DOCK9: variants seen among roughly 807,000 people sequenced by gnomAD.
DOCK9 encodes dedicator of cytokinesis protein 9.
DOCK9 carries 89 observed loss-of-function variants against 263.3 expected under a neutral mutation model. That is an observed-to-expected ratio of 0.34 (90% CI 0.28 to 0.40). The LOEUF (loss-of-function observed/expected upper bound fraction) is 0.40, where lower values mean the gene tolerates loss of function less well. DOCK9 is among the 10% of genes least tolerant of loss of function. The probability of loss-of-function intolerance (pLI) is 1.00; values close to 1 mark genes in which losing one functional copy is unlikely to be tolerated. For synonymous variants in DOCK9, 976 were observed against 973.1 expected, an observed-to-expected ratio of 1.00 and a Z score of -0.06; for missense variants, 2,140 against 2,603.4, an observed-to-expected ratio of 0.82 and a Z score of 3.87.
At chr13:98,938,684 C>T (rs2055305947) in intron 2 of DOCK9, among the ~76,000 whole-genome samples, 1 of 147,742 alleles carries the variant, frequency 6.8e-6, no homozygotes, top group Non-Finnish European at 1.5e-5. Context: ...TATTATTTTT[C>T]TAACCCTCTC....
intron 35 of DOCK9, among the ~76,000 whole-genome samples, chr13:98,852,712 T>C (rs1363903278): frequency 6.6e-6 from 1 of 152,194 alleles, no homozygotes; most frequent in Non-Finnish European, 1.5e-5. Context: ...AACTGCGACA[T>C]TGTTTACTGG....
intron 1 of DOCK9, among the ~76,000 whole-genome samples, chr13:99,082,113 G>A (rs1026577775): frequency 3.9e-5 from 6 of 152,168 alleles, no homozygotes; most frequent in Non-Finnish European, 8.8e-5. Context: ...CAGCTACTCT[G>A]GAGGCTGAGG....
At chr13:99,036,343 G>A (rs529106582) in intron 1 of DOCK9, among the ~76,000 whole-genome samples, 79 of 152,174 alleles carry the variant, frequency 5.2e-4, no homozygotes, top group African/African-American at 1.9e-3. Flanking sequence ...TAGGTTTAGT[G>A]CTCGTATAAA....
intron 38 of DOCK9, among the ~76,000 whole-genome samples, chr13:98,845,164 T>C (rs759131659): frequency 5.9e-5 from 9 of 152,234 alleles, no homozygotes; most frequent in Non-Finnish European, 8.8e-5. Context: ...TTGTCCCCTC[T>C]GCTGACTGAT....
intron 39 of DOCK9, among the ~76,000 whole-genome samples, chr13:98,835,577 GC>G (rs1477541613): frequency 6.6e-6 from 1 of 152,092 alleles, no homozygotes; most frequent in Non-Finnish European, 1.5e-5. Flanking sequence ...CAGGGATCAG[GC>G]CCTTTGCCAC....
At chr13:98,890,292 A>G (rs1441424858) in intron 15 of DOCK9, among the ~76,000 whole-genome samples, 1 of 151,642 alleles carries the variant, frequency 6.6e-6, no homozygotes, top group African/African-American at 2.4e-5. Context: ...CCAGACTGAC[A>G]CTAGCTCATT....
intron 38 of DOCK9, among the ~76,000 whole-genome samples, chr13:98,844,363 T>C (rs1405704979): frequency 8.7e-6 from 1 of 114,642 alleles, no homozygotes; most frequent in African/African-American, 3.4e-5. Flanking sequence ...ACATTTTTTA[T>C]TTTTTTTATT....
chr13:98,922,240 G>A, intron 5 of DOCK9, 94 bp from the exon 6 acceptor site: 1 of 885,594 alleles, frequency 1.1e-6, no homozygotes, highest in Non-Finnish European at 1.8e-6. Flanking sequence ...TTCCCTTTGT[G>A]CCAAGTTGTC....
chr13:98,931,427 C>T (rs1377917137), intron 2 of DOCK9, among the ~76,000 whole-genome samples: 2 of 151,456 alleles, frequency 1.3e-5, no homozygotes, highest in Admixed American at 1.3e-4. Context: ...GCCTCCCGAG[C>T]AGCTGGGACT....
At chr13:98,995,961 C>G (rs1387079877) in intron 1 of DOCK9, among the ~76,000 whole-genome samples, 2 of 152,072 alleles carry the variant, frequency 1.3e-5, no homozygotes, top group African/African-American at 4.8e-5. Flanking sequence ...CAGGGGAGAA[C>G]AGCACACGAT....
chr13:98,864,034 G>A (rs984103756), intron 30 of DOCK9, among the ~76,000 whole-genome samples: 15 of 151,968 alleles, frequency 9.9e-5, no homozygotes, highest in Non-Finnish European at 1.5e-4. Flanking sequence ...TCCTTTCCTG[G>A]TCATTAATGT....
At chr13:98,875,040 T>C (rs141582032) in intron 27 of DOCK9, among the ~76,000 whole-genome samples, 3 of 152,200 alleles carry the variant, frequency 2.0e-5, no homozygotes, top group Admixed American at 2.0e-4. Context: ...GATTGTGGTA[T>C]CCTGCAAGGC....
intron 9 of DOCK9, among the ~76,000 whole-genome samples, chr13:98,910,583 C>G (rs1018262303): frequency 1.3e-5 from 2 of 152,140 alleles, no homozygotes; most frequent in Non-Finnish European, 2.9e-5. Flanking sequence ...AACTTCCTGT[C>G]GGTCATATCC....
intron 1 of DOCK9, among the ~76,000 whole-genome samples, chr13:99,034,576 G>A (rs1368502683): frequency 6.6e-6 from 1 of 152,078 alleles, no homozygotes; most frequent in Non-Finnish European, 1.5e-5. Flanking sequence ...ACCCCTCAGG[G>A]GTGCCATGAG....
At chr13:99,009,926 G>A (rs538640383) in intron 1 of DOCK9, among the ~76,000 whole-genome samples, 8 of 150,984 alleles carry the variant, frequency 5.3e-5, no homozygotes, top group Non-Finnish European at 8.8e-5. Context: ...AAAGTATGAA[G>A]ACATGTTGAA....
Position 98,885,050 on chromosome 13 carries a change from A to G in DOCK9, c.2303T>C (p.Val768Ala). The G allele has an allele frequency of 6.2e-7, 1 of 1,613,668 alleles. No individual in the cohort carries two copies. The highest frequency in any genetic ancestry group is 8.5e-7 in the Non-Finnish European group (1 of 1,179,802). Residue 768 changes from valine to alanine, a missense_variant, in exon 21 of 53, where the codon GTG becomes GCG. This residue lies in a region of DOCK9 where 1,521 missense variants were observed against 1,741.7 expected (regional missense o/e 0.87). Transcript: ENST00000682017. ...WLPLLKDGRV[V>A]TSEQHIPVSA... is the part of the protein sequence containing the mutation. ...GACCGGGATGTGCTGCTCGCTTGTCACCACCCTTCCGTCTTTCAGGAGGGG... is the reference window on the plus strand; with the variant it reads ...GACCGGGATGTGCTGCTCGCTTGTCGCCACCCTTCCGTCTTTCAGGAGGGG...
chr13:98,871,886 G>A (rs1410520576), intron 27 of DOCK9: 2 of 153,016 alleles, frequency 1.3e-5, no homozygotes. Context: ...CATCCTCTGC[G>A]AGCCACACTT....
chr13:98,981,183 A>C (rs956486863), upstream of DOCK9, among the ~76,000 whole-genome samples: 1 of 151,888 alleles, frequency 6.6e-6, no homozygotes, highest in Non-Finnish European at 1.5e-5. Context: ...CAGCCTCCCA[A>C]GTAGCTGGGA....
At chr13:99,015,400 T>G (rs1885240280) in intron 1 of DOCK9, 1 of 1,461,878 alleles carries the variant, frequency 6.8e-7, no homozygotes. Context: ...GACTAGTTTA[T>G]TCTAACACCA....
Sources: gnomAD v4.1 joint callset for allele counts (sites outside exome capture counted in the v4.1 genomes callset) on GRCh38, gnomAD v4.1.1 for gene constraint, gnomAD v4.1.1 regional missense constraint, MANE v1.5 for transcripts, NCBI Gene and HGNC (gene_info 2026-07-23, HGNC 2026-07-21) for gene names.